Variants in TCOF1 observed in about 807,000 individuals in gnomAD.
The protein encoded by TCOF1 is treacle protein.
TCOF1 carries 33 observed loss-of-function variants against 149.0 expected under a neutral mutation model. The ratio of observed to expected loss-of-function variants is 0.22; its 90% CI spans 0.17 to 0.30. TCOF1 has a LOEUF of 0.30. TCOF1 is among the 10% of genes least tolerant of loss of function. TCOF1 has a pLI of 1.00. For synonymous variants in TCOF1, 789 were observed against 738.8 expected, an observed-to-expected ratio of 1.07 and a Z score of -1.10; for missense variants, 1,728 against 1,840.7, an observed-to-expected ratio of 0.94 and a Z score of 1.12.
chr5:150,398,506 C>T lies in TCOF1; in HGVS notation c.4443+55C>T, dbSNP rs200491850. 5.5e-4 allele frequency: 889 copies of T among 1,612,480 alleles called. 1 individual carries two copies. The highest frequency in any genetic ancestry group is 7.3e-4 in the Non-Finnish European group (856 of 1,179,400). On this transcript the variant is annotated intron_variant, in intron 25 of 26. Transcript: ENST00000643257. ...GAAAACAGACCCAAACCCAAGCCCC[C>T]TCCTACACACCCAGACCTGGTTCCT... is the stretch of plus-strand genomic sequence containing the variant.
intron 23 of TCOF1, 26 bp from the exon 24 acceptor site, chr5:150,396,256 T>C (rs183018585): frequency 1.2e-6 from 2 of 1,613,624 alleles, no homozygotes; most frequent in Non-Finnish European, 1.7e-6. Flanking sequence ...CTCCCAGATC[T>C]GTGACCCCAC....
intron 4 of TCOF1, 25 bp from the exon 5 acceptor site, chr5:150,368,688 ATGT>A: frequency 1.2e-6 from 2 of 1,613,702 alleles, no homozygotes; most frequent in Non-Finnish European, 1.7e-6. Flanking sequence ...GCCATACCAG[ATGT>A]GTCTGTCACT....
rs745434581 is a variant in TCOF1 at position 150,364,689 on chromosome 5, GA to G, written c.304+439del. Among the ~76,000 whole-genome samples, 9 of 152,244 alleles carry G rather than the reference GA, an allele frequency of 5.9e-5. No homozygotes were observed. The East Asian group carries it at 1.7e-3, about 29-fold the overall frequency. ...TTTAGAATTGTACCCATTAGCACTG[GA>G]ACGCTGTACTGGGCACTGGTTTTAC... On this transcript the variant is annotated intron_variant, in intron 3 of 26. Coordinates refer to ENST00000643257, the MANE Select transcript of TCOF1 (RefSeq NM_001371623.1).
intron 17 of TCOF1, chr5:150,380,092 A>T (rs539164476): frequency 7.5e-6 from 2 of 268,194 alleles, no homozygotes; most frequent in South Asian, 4.0e-5. Context: ...AAAAGAAAAA[A>T]AAGAAAAGTG....
chr5:150,399,050 G>C lies in TCOF1; in HGVS notation c.*2G>C, dbSNP rs138268514. On this transcript the variant is annotated 3_prime_UTR_variant, in exon 26 of 27. Transcript: ENST00000643257. ...AAGACAGCAGAGCAGACTGTATGAC[G>C]AGCACCAGCACCAGGCACAGGTACG... The C allele has an allele frequency of 3.1e-6, 5 of 1,614,220 alleles. No homozygotes were observed. In the Admixed American group the frequency reaches 6.7e-5, roughly 22 times the overall value.
chr5:150,385,428 A>G (rs957411801), intron 17 of TCOF1, among the ~76,000 whole-genome samples: 2 of 152,092 alleles, frequency 1.3e-5, no homozygotes, highest in African/African-American at 4.8e-5. Flanking sequence ...CATTCATCTC[A>G]ATCTCTGGGA....
rs761136085 is a variant in TCOF1, at chr5:150,396,588, A to G, written c.4091A>G (p.Lys1364Arg). Residue 1364 changes from lysine (K) to arginine (R), a missense_variant, in exon 24 of 27, where the codon AAG becomes AGG. By Grantham distance (26) the Lys-to-Arg change is conservative (BLOSUM62 2). Transcript: ENST00000643257. Reference sequence around the variant, plus strand: ...GCTGCCAGGACCCCCAGGAGCAAGAAGAAGAAGAAGCTGGGGGCCGGGGAA... The same window carrying G: ...GCTGCCAGGACCCCCAGGAGCAAGAGGAAGAAGAAGCTGGGGGCCGGGGAA... ...QPAARTPRSK[K>R]KKKLGAGEGG... 5.1e-6 allele frequency: 8 copies of G among 1,582,600 alleles called. No homozygotes were observed. Among genetic ancestry groups the G allele is most frequent in the Non-Finnish European group, 6.9e-6 (8 of 1,163,706 alleles).
At chr5:150,383,118 G>A in intron 17 of TCOF1, 1 of 1,536,100 alleles carries the variant, frequency 6.5e-7, no homozygotes, top group Non-Finnish European at 8.7e-7. Context: ...CACCCCCAGA[G>A]AGGAACACGG....
rs114689020 is a variant in TCOF1, at chr5:150,379,638, C to T, written c.2765C>T (p.Ser922Leu). Residue 922 changes from serine (S) to leucine (L), a missense_variant, in exon 17 of 27, where the codon TCG (serine) becomes TTG (leucine). Physicochemically the swap from Ser to Leu is moderately radical, Grantham distance 145. Around this residue, in one of 2 missense-constraint regions of TCOF1, gnomAD observed 1,696 missense variants for 1,765.4 expected, o/e 0.96. Transcript: ENST00000643257. ...ACACCTCCTGGGAAGACAGGGCCTT[C>T]GGCTGCCCAGGCAGGGAAGCAGGAT... The part of the protein sequence containing the change: ...APTPPGKTGP[S>L]AAQAGKQDDS... The T allele has an allele frequency of 5.0e-3, 8,115 of 1,614,150 alleles. 208 individuals carry two copies. In the African/African-American group the frequency reaches 0.07, roughly 14 times the overall value.
chr5:150,392,068 A>C lies in TCOF1; in HGVS notation c.3409A>C (p.Thr1137Pro), dbSNP rs1767554155. Residue 1137 changes from threonine (T) to proline (P), a missense_variant, in exon 21 of 27, where the codon ACC (threonine) becomes CCC (proline). By Grantham distance (38) the Thr-to-Pro change is conservative. This residue lies in a region of TCOF1 where 1,696 missense variants were observed against 1,765.4 expected (regional missense o/e 0.96). Transcript: ENST00000643257. Reference protein sequence around the residue: ...KPKLPEVQQATKAPESSDDSE... With the variant: ...KPKLPEVQQAPKAPESSDDSE... ...TAAGCTTCCTGAGGTCCAGCAGGCC[A>C]CCAAAGCCCCTGAGAGCTCAGATGA... is the stretch of plus-strand genomic sequence containing the variant. 6.2e-7 allele frequency: 1 copy of C among 1,614,260 alleles called. No homozygotes were observed. Among genetic ancestry groups the C allele is most frequent in the Non-Finnish European group, 8.5e-7 (1 of 1,180,042 alleles).
Position 150,393,731 on chromosome 5 carries a change from G to A in TCOF1, c.3784+179G>A, listed in dbSNP as rs1767885983. 1.8e-5 allele frequency: 15 copies of A among 834,698 alleles called. 1 individual carries two copies. The South Asian group carries it at 2.2e-4, about 12-fold the overall frequency. The allele number at this position is 834,698 out of a possible 1,614,324, so 51.7% of individuals were successfully genotyped here. On this transcript the variant is annotated intron_variant, in intron 23 of 26. Coordinates refer to ENST00000643257, the MANE Select transcript of TCOF1 (RefSeq NM_001371623.1). ...GAAGATGCTCATCAAAGTGCAGGTG[G>A]GGCCAGGTGCAGTGGCTCATGCCCA...
rs138892507 is a variant in TCOF1, at chr5:150,370,449, G to A, written c.639+847G>A. ...TGGCTAGCTGCAACTTCCACCTCCCGGGTTCAAGCGATTGTCGTGCCTCAG... is the reference window on the plus strand; with the variant it reads ...TGGCTAGCTGCAACTTCCACCTCCCAGGTTCAAGCGATTGTCGTGCCTCAG... On this transcript the variant is annotated intron_variant, in intron 6 of 26. Coordinates refer to ENST00000643257, the MANE Select transcript of TCOF1 (RefSeq NM_001371623.1). Among the ~76,000 whole-genome samples the A allele has an allele frequency of 1.9e-4, 29 of 152,294 alleles. No homozygotes were observed. The East Asian group carries it at 5.0e-3, about 26-fold the overall frequency.
rs990704843 is a variant in TCOF1 at position 150,384,047 on chromosome 5, C to T, written c.2860-3855C>T. On this transcript the variant is annotated intron_variant, in intron 17 of 26. Transcript: ENST00000643257. The stretch of plus-strand genomic sequence containing the variant: ...ACCTCAGAGCACCAGCTCCCCTGTC[C>T]CAGGGCCTAACCACAGATCCTGGAG... 1.2e-5 allele frequency: 16 copies of T among 1,346,964 alleles called. No homozygotes were observed. In the African/African-American group the frequency reaches 1.6e-4, roughly 14 times the overall value. 83.4% of individuals were successfully genotyped at this position (1,346,964 alleles called of 1,614,324 possible). A position where few individuals can be genotyped will look rare whatever the true frequency, so the allele number is the denominator to read the frequency against.
intron 3 of TCOF1, among the ~76,000 whole-genome samples, chr5:150,365,215 A>C (rs894274410): frequency 2.7e-5 from 4 of 147,614 alleles, no homozygotes; most frequent in Non-Finnish European, 6.0e-5. Context: ...GGCATGCACC[A>C]CTACTGTCAG....
At chr5:150,365,553 A>G (rs1761152349) in intron 3 of TCOF1, among the ~76,000 whole-genome samples, 1 of 152,114 alleles carries the variant, frequency 6.6e-6, no homozygotes, top group South Asian at 2.1e-4. Flanking sequence ...CTTTGCCTCT[A>G]TATTCATTCA....
chr5:150,369,738 G>A, intron 6 of TCOF1, 136 bp downstream of exon 6: 2 of 986,622 alleles, frequency 2.0e-6, no homozygotes, highest in Non-Finnish European at 3.1e-6. Flanking sequence ...TGGAAAGGCT[G>A]CAGCCGGAGA....
intron 21 of TCOF1, 60 bp downstream of exon 21, chr5:150,392,236 G>A: frequency 1.3e-6 from 2 of 1,561,718 alleles, no homozygotes; most frequent in Non-Finnish European, 1.8e-6. Flanking sequence ...GTGGCCTGGT[G>A]GAGCCATAGC....
rs141159244 is a variant in TCOF1, at chr5:150,396,745, C to T, written c.4248C>T (p.Asp1416=). ...KGSLGSQGAK[D]EPEEELQKGM... is the part of the protein sequence containing the mutation. ...CTCTTGGCTCCCAAGGGGCCAAGGA[C>T]GAGCCAGAAGAGGAGCTTCAGAAGG... The change falls in exon 24 of 27, where the codon GAC becomes GAT. Residue 1416 remains aspartate (D), a synonymous_variant. Coordinates refer to ENST00000643257, the MANE Select transcript of TCOF1 (RefSeq NM_001371623.1). 4.7e-4 allele frequency: 759 copies of T among 1,611,916 alleles called. 1 individual carries two copies. The highest frequency in any genetic ancestry group is 6.1e-4 in the Non-Finnish European group (717 of 1,179,460).
intron 17 of TCOF1, chr5:150,384,818 A>G: frequency 3.0e-6 from 3 of 985,460 alleles, no homozygotes; most frequent in Non-Finnish European, 3.6e-6. Context: ...ACTAATTATG[A>G]TTATTTTCAT....
Sources: gnomAD v4.1 joint callset for allele counts (sites outside exome capture counted in the v4.1 genomes callset) on GRCh38, gnomAD v4.1.1 for gene constraint, gnomAD v4.1.1 regional missense constraint, MANE v1.5 for transcripts, NCBI Gene and HGNC (gene_info 2026-07-23, HGNC 2026-07-21) for gene names.